The following SPATA6 variants were observed in gnomAD, a reference collection of about 807,000 sequenced individuals.
SPATA6 encodes spermatogenesis associated 6.
In SPATA6, 56 loss-of-function variants were observed where a neutral mutation model predicts 65.3. The ratio of observed to expected loss-of-function variants is 0.86; its 90% CI spans 0.69 to 1.07. SPATA6 has a LOEUF of 1.07. Among genes scored for constraint, SPATA6 ranks in the 50% least tolerant of loss-of-function variants. SPATA6 has a pLI of 0.00. For synonymous variants in SPATA6, 199 were observed against 213.2 expected (o/e 0.93, Z 0.58); for missense variants, 590 against 594.8 (o/e 0.99, Z 0.08).
Position 48,302,272 on chromosome 1 carries a change from C to T in SPATA6, c.1287-3379G>A, listed in dbSNP as rs150431568. Among the ~76,000 whole-genome samples the T allele has an allele frequency of 4.2e-3, 634 of 152,268 alleles. 3 individuals are homozygous for T. Among genetic ancestry groups the T allele is most frequent in the Non-Finnish European group, 7.2e-3 (491 of 68,012 alleles). On this transcript the variant is annotated intron_variant, in intron 12 of 12. Transcript: ENST00000371847. ...GCAGTTTTCTTACATGGATATATTA[C>T]ATAATGGCGAATCTGGGCTTTCAGC...
At chr1:48,279,345 T>C in the SPATA6 span, among the ~76,000 whole-genome samples, 17 of 152,192 alleles carry the variant, frequency 1.1e-4, no homozygotes, top group African/African-American at 3.9e-4. Flanking sequence ...TAACTTTAAA[T>C]GTAAATGGGC....
chr1:48,317,875 T>C (rs1478921666), intron 11 of SPATA6, among the ~76,000 whole-genome samples: 1 of 152,126 alleles, frequency 6.6e-6, no homozygotes. Flanking sequence ...TGAAAACCAA[T>C]ACATTTTATG....
chr1:48,316,410 G>A (rs147413969), intron 11 of SPATA6, among the ~76,000 whole-genome samples: 17 of 151,998 alleles, frequency 1.1e-4, no homozygotes, highest in African/African-American at 4.1e-4. Context: ...TTTGACAAAC[G>A]TGACAAAAAC....
intron 2 of SPATA6, 55 bp from the exon 3 acceptor site, chr1:48,451,655 C>G: frequency 6.6e-7 from 1 of 1,505,262 alleles, no homozygotes; most frequent in Non-Finnish European, 9.0e-7. Flanking sequence ...TTTTTTTTCT[C>G]CCTTCATCCC....
intron 8 of SPATA6, among the ~76,000 whole-genome samples, chr1:48,386,017 A>G (rs915579009): frequency 3.9e-5 from 6 of 152,196 alleles, no homozygotes; most frequent in Non-Finnish European, 5.9e-5. Context: ...CATCATTACT[A>G]TCAAATGTAA....
the SPATA6 span, among the ~76,000 whole-genome samples, chr1:48,284,708 G>T: frequency 6.6e-6 from 1 of 152,134 alleles, no homozygotes; most frequent in Admixed American, 6.5e-5. Flanking sequence ...CTGTGCTGGA[G>T]TTTGCTAGAT....
At chr1:48,467,760 T>C (rs1657921350) in intron 1 of SPATA6, among the ~76,000 whole-genome samples, 1 of 152,070 alleles carries the variant, frequency 6.6e-6, no homozygotes, top group Non-Finnish European at 1.5e-5. Context: ...TGACTAGATA[T>C]CTCAAATGGC....
At chr1:48,429,126 G>C (rs1473443945) in intron 3 of SPATA6, among the ~76,000 whole-genome samples, 2 of 151,008 alleles carry the variant, frequency 1.3e-5, no homozygotes, top group African/African-American at 4.9e-5. Context: ...AGGTTTGCCA[G>C]GATGGGCAAA....
intron 3 of SPATA6, 75 bp downstream of exon 3, chr1:48,451,477 C>A: frequency 3.5e-6 from 5 of 1,420,086 alleles, no homozygotes; most frequent in Non-Finnish European, 4.8e-6. Flanking sequence ...TTTATTTAAC[C>A]CAAGATTAAA....
intron 11 of SPATA6, among the ~76,000 whole-genome samples, chr1:48,309,279 T>C (rs926190554): frequency 1.1e-4 from 16 of 152,152 alleles, no homozygotes; most frequent in Admixed American, 1.0e-3. Context: ...TCCTTATGTG[T>C]TCATTATTTT....
intron 3 of SPATA6, among the ~76,000 whole-genome samples, chr1:48,438,404 C>T (rs567861844): frequency 6.6e-6 from 1 of 152,308 alleles, no homozygotes; most frequent in South Asian, 2.1e-4. Flanking sequence ...AGCGCAGCCG[C>T]CGGACTAAAG....
intron 3 of SPATA6, among the ~76,000 whole-genome samples, chr1:48,421,046 G>T (rs1653279331): frequency 6.6e-6 from 1 of 152,136 alleles, no homozygotes; most frequent in East Asian, 1.9e-4. Flanking sequence ...GGTAGGTTAA[G>T]AGGAAGAGAG....
At chr1:48,467,964 T>C (rs1657941170) in intron 1 of SPATA6, among the ~76,000 whole-genome samples, 1 of 152,108 alleles carries the variant, frequency 6.6e-6, no homozygotes, top group African/African-American at 2.4e-5. Flanking sequence ...AGAAGAGCCA[T>C]TACAAAAAGC....
At chr1:48,265,037 T>A in the SPATA6 span, among the ~76,000 whole-genome samples, 2 of 152,212 alleles carry the variant, frequency 1.3e-5, no homozygotes, top group African/African-American at 4.8e-5. Context: ...TCTCCTCTTC[T>A]GACAAAATCA....
the SPATA6 span, among the ~76,000 whole-genome samples, chr1:48,282,989 A>G: frequency 6.6e-6 from 1 of 152,252 alleles, no homozygotes; most frequent in South Asian, 2.1e-4. Context: ...TACACCATGG[A>G]ATCCTATGCA....
intron 11 of SPATA6, among the ~76,000 whole-genome samples, chr1:48,310,255 T>C (rs1057331607): frequency 6.6e-6 from 1 of 152,222 alleles, no homozygotes; most frequent in African/African-American, 2.4e-5. Context: ...AAGTGGGGTC[T>C]TCCAGGCAAT....
chr1:48,440,384 G>A (rs1427932689), intron 3 of SPATA6, among the ~76,000 whole-genome samples: 1 of 152,130 alleles, frequency 6.6e-6, no homozygotes, highest in African/African-American at 2.4e-5. Flanking sequence ...ATCAAACCCT[G>A]GCCTTTAACA....
intron 9 of SPATA6, among the ~76,000 whole-genome samples, chr1:48,365,985 T>C (rs553410328): frequency 6.6e-6 from 1 of 152,238 alleles, no homozygotes; most frequent in African/African-American, 2.4e-5. Flanking sequence ...CCTAATCTAT[T>C]GAGACTTTTT....
chr1:48,337,359 T>C (rs760567231), intron 11 of SPATA6, among the ~76,000 whole-genome samples: 1 of 151,528 alleles, frequency 6.6e-6, no homozygotes, highest in African/African-American at 2.4e-5. Flanking sequence ...TATTAGAAAA[T>C]AAGGAATTTC....
Sources: gnomAD v4.1 joint callset for allele counts (sites outside exome capture counted in the v4.1 genomes callset) on GRCh38, gnomAD v4.1.1 for gene constraint, MANE v1.5 for transcripts, NCBI Gene and HGNC (gene_info 2026-07-23, HGNC 2026-07-21) for gene names.